The following GMEB2 variants were observed in gnomAD, a reference collection of about 807,000 sequenced individuals.
GMEB2 encodes the protein glucocorticoid modulatory element-binding protein 2.
GMEB2 carries 7 observed loss-of-function variants against 45.7 expected under a neutral mutation model. The ratio of observed to expected loss-of-function variants is 0.15; its 90% confidence interval spans 0.09 to 0.29. The LOEUF (loss-of-function observed/expected upper bound fraction) is 0.29, where lower values mean the gene tolerates loss of function less well. Among genes scored for constraint, GMEB2 ranks in the 10% least tolerant of loss-of-function variants. The probability of loss-of-function intolerance (pLI) is 1.00; values close to 1 mark genes in which losing one functional copy is unlikely to be tolerated. For missense variants in GMEB2, 582 were observed against 739.2 expected (o/e 0.79, Z 2.47); for synonymous variants, 322 against 323.6 (o/e 1.00, Z 0.05).
intron 2 of GMEB2, among the ~76,000 whole-genome samples, chr20:63,609,694 A>C (rs1367408338): frequency 3.4e-5 from 1 of 29,410 alleles, no homozygotes; most frequent in Admixed American, 4.1e-4. Flanking sequence ...ACCCACCTCC[A>C]TTTCTAGAAA....
At chr20:63,591,535 C>T (rs1037274976) in intron 9 of GMEB2, among the ~76,000 whole-genome samples, 1 of 152,116 alleles carries the variant, frequency 6.6e-6, no homozygotes, top group Non-Finnish European at 1.5e-5. Flanking sequence ...GGTGTGATCT[C>T]AGCTCCCTGC....
Position 63,590,158 on chromosome 20 carries a change from G to A in GMEB2, c.1524C>T (p.Ala508=), listed in dbSNP as rs771556140. Residue 508 remains alanine, a synonymous_variant, in exon 10 of 10, where the codon GCC becomes GCT. Coordinates refer to ENST00000370077, the MANE Select transcript of GMEB2 (RefSeq NM_012384.5). Reference sequence around the variant, plus strand: ...TGGCCGTGTGCTCCTCAGGCCCGGGGGCAGCCCCTGCGGGCACTGTCACAA... The same window carrying A: ...TGGCCGTGTGCTCCTCAGGCCCGGGAGCAGCCCCTGCGGGCACTGTCACAA... ...STIVTVPAGA[A]PGPEEHTATI... The A allele has an allele frequency of 8.2e-6, 13 of 1,581,984 alleles. No homozygotes were observed. The South Asian group carries it at 9.0e-5, about 11-fold the overall frequency.
At position 63,592,734 on chromosome 20, in the gene GMEB2, G is replaced by A. The variant is rs2083159595; in HGVS notation, c.692-64C>T. 3.0e-6 allele frequency: 4 copies of A among 1,327,650 alleles called. No homozygotes were observed. Among genetic ancestry groups the A allele is most frequent in the Admixed American group, 1.7e-5 (1 of 59,208 alleles). The allele number at this position is 1,327,650 out of a possible 1,614,324, so 82.2% of individuals were successfully genotyped here. A position where few individuals can be genotyped will look rare whatever the true frequency, so the allele number is the denominator to read the frequency against. ...GCTGCTACACGGGGCAGCCACCACA[G>A]CCACAAGGACATCACCATAGCCACG... On this transcript the variant is annotated intron_variant, in intron 7 of 9. Coordinates refer to ENST00000370077, the MANE Select transcript of GMEB2 (RefSeq NM_012384.5). The surrounding 1 kb of genome is among the most constrained non-coding windows in gnomAD (Gnocchi z 8.2).
At chr20:63,611,096 T>A (rs2146082509) in intron 2 of GMEB2, among the ~76,000 whole-genome samples, 1 of 152,324 alleles carries the variant, frequency 6.6e-6, no homozygotes, top group South Asian at 2.1e-4. Context: ...GCCACCAAGC[T>A]CTGCGGTGGT....
chr20:63,600,237 GT>G (rs2083232028), intron 4 of GMEB2, among the ~76,000 whole-genome samples: 1 of 151,578 alleles, frequency 6.6e-6, no homozygotes, highest in Non-Finnish European at 1.5e-5. Flanking sequence ...CAGAGATGGG[GT>G]TTCACCATGT....
intron 2 of GMEB2, among the ~76,000 whole-genome samples, chr20:63,607,061 C>A (rs1189725267): frequency 6.6e-6 from 1 of 151,814 alleles, no homozygotes; most frequent in Non-Finnish European, 1.5e-5. Context: ...AAACATGCCC[C>A]TCTGACCCAC....
At chr20:63,620,990 A>G (rs1569059984) in intron 1 of GMEB2, among the ~76,000 whole-genome samples, 1 of 152,204 alleles carries the variant, frequency 6.6e-6, no homozygotes, top group African/African-American at 2.4e-5. Flanking sequence ...GTGGAAAGAA[A>G]ATCTTGGTAT....
chr20:63,603,222 G>A (rs2083254083), intron 3 of GMEB2, 130 bp from the exon 4 acceptor site: 3 of 979,402 alleles, frequency 3.1e-6, no homozygotes, highest in Non-Finnish European at 4.6e-6. Flanking sequence ...AGGAAGGCCT[G>A]AGATAGAGCC....
intron 1 of GMEB2, among the ~76,000 whole-genome samples, chr20:63,623,353 C>T (rs1002270467): frequency 9.2e-5 from 14 of 152,150 alleles, no homozygotes; most frequent in Non-Finnish European, 1.2e-4. Flanking sequence ...AGACTGTCTT[C>T]AGATGCTTTT....
At chr20:63,610,623 T>G (rs2089562270) in intron 2 of GMEB2, among the ~76,000 whole-genome samples, 2 of 152,176 alleles carry the variant, frequency 1.3e-5, no homozygotes, top group African/African-American at 4.8e-5. Flanking sequence ...AAGAGGATCT[T>G]TAAGTCCTTC....
intron 9 of GMEB2, among the ~76,000 whole-genome samples, chr20:63,591,157 G>A (rs531818969): frequency 6.6e-6 from 1 of 152,232 alleles, no homozygotes; most frequent in Non-Finnish European, 1.5e-5. Context: ...TGTGGCACAT[G>A]TGTTTAAACA....
intron 4 of GMEB2, 42 bp downstream of exon 4, chr20:63,602,923 A>C: frequency 6.3e-7 from 1 of 1,590,070 alleles, no homozygotes; most frequent in Non-Finnish European, 8.6e-7. Flanking sequence ...CACAGACACC[A>C]TGAGGCCTCT....
chr20:63,619,519 C>T lies in GMEB2; in HGVS notation c.-57-65G>A. 1 of 960,338 alleles carries T rather than the reference C, an allele frequency of 1.0e-6. No homozygotes were observed. Among genetic ancestry groups the T allele is most frequent in the East Asian group, 2.8e-5 (1 of 36,356 alleles). The allele number at this position is 960,338 out of a possible 1,614,324, so 59.5% of individuals were successfully genotyped here. A position where few individuals can be genotyped will look rare whatever the true frequency, so the allele number is the denominator to read the frequency against. ...CCACATCCACACAACATAGCACTCA[C>T]AAAGGCATCTCTAATCAGCTCCAAA... is the stretch of plus-strand genomic sequence containing the variant. On this transcript the variant is annotated intron_variant, in intron 1 of 9. Coordinates refer to ENST00000370077, the MANE Select transcript of GMEB2 (RefSeq NM_012384.5). This position sits in a 1 kb window ranked among gnomAD's most constrained non-coding sequence, Gnocchi z 4.6.
chr20:63,619,517 C>A lies in GMEB2; in HGVS notation c.-57-63G>T. The A allele has an allele frequency of 1.0e-6, 1 of 975,052 alleles. No homozygotes were observed. The highest frequency in any genetic ancestry group is 2.7e-5 in the East Asian group (1 of 36,644). The allele number at this position is 975,052 out of a possible 1,614,324, so 60.4% of individuals were successfully genotyped here. A position where few individuals can be genotyped will look rare whatever the true frequency, so the allele number is the denominator to read the frequency against. On this transcript the variant is annotated intron_variant, in intron 1 of 9. Coordinates refer to ENST00000370077, the MANE Select transcript of GMEB2 (RefSeq NM_012384.5). The surrounding 1 kb of genome is among the most constrained non-coding windows in gnomAD (Gnocchi z 4.6). ...CTCCACATCCACACAACATAGCACT[C>A]ACAAAGGCATCTCTAATCAGCTCCA...
At position 63,590,305 on chromosome 20, in the gene GMEB2, C is replaced by T. The variant is rs779300596; in HGVS notation, c.1377G>A (p.Thr459=). The T allele has an allele frequency of 1.1e-5, 17 of 1,612,572 alleles. No homozygotes were observed. Among genetic ancestry groups the T allele is most frequent in the Non-Finnish European group, 1.4e-5 (16 of 1,179,840 alleles). ...CCGTGCTACCGTCCTGCACGGCGGC[C>T]GTGCTCAGGACCGTGAGGCTGGACG... ...PDASSLTVLS[T]AAVQDGSTVF... Residue 459 remains threonine, a synonymous_variant, in exon 10 of 10, where the codon ACG becomes ACA. Coordinates refer to ENST00000370077, the MANE Select transcript of GMEB2 (RefSeq NM_012384.5).
chr20:63,619,491 T>C lies in GMEB2; in HGVS notation c.-57-37A>G, dbSNP rs2089631498. 7.8e-7 allele frequency: 1 copy of C among 1,289,532 alleles called. No individual in the cohort carries two copies. The highest frequency in any genetic ancestry group is 1.1e-6 in the Non-Finnish European group (1 of 925,510). 79.9% of individuals were successfully genotyped at this position (1,289,532 alleles called of 1,614,324 possible). ...AAGGCAGGGCACAGGGATGGAGTCA[T>C]CTCCACATCCACACAACATAGCACT... On this transcript the variant is annotated intron_variant, in intron 1 of 9. Coordinates refer to ENST00000370077, the MANE Select transcript of GMEB2 (RefSeq NM_012384.5). The surrounding 1 kb of genome is among the most constrained non-coding windows in gnomAD (Gnocchi z 4.6).
At chr20:63,590,789 G>C in intron 9 of GMEB2, 60 bp from the exon 10 acceptor site, 1 of 1,109,150 alleles carries the variant, frequency 9.0e-7, no homozygotes, top group Non-Finnish European at 1.2e-6. Context: ...CGGCATGCAG[G>C]GGATGGGGGC....
At chr20:63,625,061 G>A (rs559579928) in intron 1 of GMEB2, among the ~76,000 whole-genome samples, 3 of 152,312 alleles carry the variant, frequency 2.0e-5, no homozygotes, top group East Asian at 3.9e-4. Context: ...TTACCTCACA[G>A]AAAATAGTGC....
In GMEB2 at chr20:63,590,198, G is replaced by A; in HGVS notation, c.1484C>T (p.Pro495Leu). ...CACTGTCACAATTGTGCTGGAGCCA[G>A]GCGAGGCCTGGGCCACGTTCTGCAG... ...PTLQNVAQAS[P>L]GSSTIVTVPA... The change falls in exon 10 of 10, where the codon CCT becomes CTT. Residue 495 changes from proline (P) to leucine (L), a missense_variant. Coordinates refer to ENST00000370077, the MANE Select transcript of GMEB2 (RefSeq NM_012384.5). 1 of 1,606,556 alleles carries A rather than the reference G, an allele frequency of 6.2e-7. No individual in the cohort carries two copies. The highest frequency in any genetic ancestry group is 8.5e-7 in the Non-Finnish European group (1 of 1,177,430).
Sources: allele counts gnomAD v4.1 joint callset (sites outside exome capture counted in the v4.1 genomes callset), GRCh38; gene constraint gnomAD v4.1.1; non-coding constraint Gnocchi (gnomAD v3.1); transcripts MANE v1.5; gene names NCBI Gene and HGNC (gene_info 2026-07-23, HGNC 2026-07-21).